SVIL: variants seen among roughly 807,000 people sequenced by gnomAD.
The protein encoded by SVIL is supervillin.
Under a neutral mutation model 240.4 loss-of-function variants are expected in SVIL, and 101 were observed. The observed-to-expected ratio is 0.42, with a 90% CI of 0.36 to 0.50. SVIL has a LOEUF of 0.50. SVIL is among the 20% of genes least tolerant of loss of function. SVIL has a pLI of 0.01. For synonymous variants in SVIL, 999 were observed against 1,100.0 expected, an observed-to-expected ratio of 0.91 and a Z score of 1.82; for missense variants, 2,512 against 2,818.7, an observed-to-expected ratio of 0.89 and a Z score of 2.46.
chr10:29,559,130 T>A (rs1376900090), intron 3 of SVIL, among the ~76,000 whole-genome samples: 1 of 152,024 alleles, frequency 6.6e-6, no homozygotes, highest in Non-Finnish European at 1.5e-5. Flanking sequence ...GTTGTTTTAT[T>A]TATAAAGCCT....
chr10:29,692,945 A>G (rs1389918482), intron 1 of SVIL, among the ~76,000 whole-genome samples: 1 of 152,190 alleles, frequency 6.6e-6, no homozygotes, highest in African/African-American at 2.4e-5. Context: ...GTCCTTAACC[A>G]TATATGCCTA....
At chr10:29,612,428 A>G (rs1423734469) in intron 1 of SVIL, among the ~76,000 whole-genome samples, 1 of 152,126 alleles carries the variant, frequency 6.6e-6, no homozygotes, top group East Asian at 1.9e-4. Flanking sequence ...ATGGAGTTGG[A>G]AGTGAGGCTT....
rs1045829510 is a variant in SVIL at position 29,509,376 on chromosome 10, A to G, written c.3516+3359T>C. 1.4e-4 allele frequency among the ~76,000 whole-genome samples: 19 copies of G among 139,290 alleles called. No homozygotes were observed. In the East Asian group the frequency reaches 4.1e-3, roughly 30 times the overall value. 91.4% of individuals were successfully genotyped at this position (139,290 alleles called of 152,430 possible). A position where few individuals can be genotyped will look rare whatever the true frequency, so the allele number is the denominator to read the frequency against. On this transcript the variant is annotated intron_variant, in intron 17 of 37. Transcript: ENST00000355867. The stretch of plus-strand genomic sequence containing the variant: ...GAGAGAGAGAGAGAGAGAGAGAGAG[A>G]GAGAATACCCAAACAGTTTTTCACA...
rs144560080 is a variant in SVIL, at chr10:29,547,646, C to T, written c.827+2951G>A. Among the ~76,000 whole-genome samples the T allele has an allele frequency of 8.7e-3, 1,331 of 152,124 alleles. 22 individuals carry two copies. Among genetic ancestry groups the T allele is most frequent in the African/African-American group, 0.03 (1,248 of 41,504 alleles). ...TTTAATATTAAGATTTTAACTCATACGAAATATGAAGTATCCTGTCTTTAC... is the reference window on the plus strand; with the variant it reads ...TTTAATATTAAGATTTTAACTCATATGAAATATGAAGTATCCTGTCTTTAC... On this transcript the variant is annotated intron_variant, in intron 6 of 37. Transcript: ENST00000355867.
At chr10:29,669,731 G>T (rs1959616681) in intron 2 of SVIL, among the ~76,000 whole-genome samples, 2 of 152,290 alleles carry the variant, frequency 1.3e-5, no homozygotes, top group South Asian at 2.1e-4. Context: ...GATGGAGATC[G>T]AGATGTTGGG....
At chr10:29,722,255 AAG>A (rs1964035459) in intron 1 of SVIL, among the ~76,000 whole-genome samples, 1 of 151,620 alleles carries the variant, frequency 6.6e-6, no homozygotes, top group African/African-American at 2.4e-5. Flanking sequence ...AAAGAAAAGA[AAG>A]AAAAAAAACT....
At chr10:29,622,868 G>C (rs1957717019) in intron 1 of SVIL, among the ~76,000 whole-genome samples, 1 of 152,218 alleles carries the variant, frequency 6.6e-6, no homozygotes, top group Admixed American at 6.5e-5. Context: ...GCCTTGTGAA[G>C]TGAGCTTGGA....
intron 1 of SVIL, among the ~76,000 whole-genome samples, chr10:29,696,100 C>T (rs1202053336): frequency 1.4e-4 from 22 of 151,864 alleles, no homozygotes; most frequent in African/African-American, 4.8e-4. Flanking sequence ...TGCAGGCGCG[C>T]GCCGCCACGC....
In SVIL at chr10:29,499,068, G is replaced by A. The variant is rs114540768; in HGVS notation, c.3664+48C>T. 245 of 1,598,844 alleles carry A rather than the reference G, an allele frequency of 1.5e-4. No homozygotes were observed. The African/African-American group carries it at 2.5e-3, about 16-fold the overall frequency. On this transcript the variant is annotated intron_variant, in intron 18 of 37. Transcript: ENST00000355867. ...GCCCTCCATGGGTAAGTGTGCTCAC[G>A]TGTGTGCATTGTGCACACACCACAC... is the stretch of plus-strand genomic sequence containing the variant.
At chr10:29,591,890 C>G (rs753025023) in intron 1 of SVIL, among the ~76,000 whole-genome samples, 18 of 152,342 alleles carry the variant, frequency 1.2e-4, no homozygotes, top group Non-Finnish European at 2.2e-4. Context: ...AAGAGCCTGC[C>G]AGGCATTTAC....
At chr10:29,511,336 T>C (rs1462969280) in intron 17 of SVIL, among the ~76,000 whole-genome samples, 2 of 138,576 alleles carry the variant, frequency 1.4e-5, no homozygotes, top group Non-Finnish European at 3.2e-5. Context: ...TCGTGCTTTT[T>C]GGCTTCATTT....
intron 5 of SVIL, 85 bp from the exon 6 acceptor site, chr10:29,551,348 G>A: frequency 2.3e-6 from 3 of 1,326,770 alleles, no homozygotes; most frequent in Non-Finnish European, 3.0e-6. Context: ...ACTGCACACA[G>A]CACACACCTG....
intron 2 of SVIL, among the ~76,000 whole-genome samples, chr10:29,667,892 G>A (rs1959451543): frequency 6.6e-6 from 1 of 151,710 alleles, no homozygotes; most frequent in Non-Finnish European, 1.5e-5. Flanking sequence ...CTAAAAAGAG[G>A]CAACGTTATT....
intron 1 of SVIL, among the ~76,000 whole-genome samples, chr10:29,610,240 G>A (rs538950882): frequency 4.6e-5 from 7 of 151,876 alleles, no homozygotes; most frequent in East Asian, 1.9e-4. Flanking sequence ...TTCCCTCCTC[G>A]CTGCCATCAT....
intron 1 of SVIL, among the ~76,000 whole-genome samples, chr10:29,587,982 C>A (rs1470391552): frequency 1.9e-4 from 29 of 152,196 alleles, no homozygotes; most frequent in Non-Finnish European, 3.7e-4. Flanking sequence ...CCCACCCTGG[C>A]CCCTGCACTG....
At chr10:29,535,964 C>T in intron 7 of SVIL, 25 bp downstream of exon 7, 2 of 1,613,444 alleles carry the variant, frequency 1.2e-6, no homozygotes, top group Non-Finnish European at 1.7e-6. Flanking sequence ...TGCACACAAG[C>T]CCCAGAGGGC....
Position 29,554,954 on chromosome 10 carries a change from A to G in SVIL, c.9-20T>C. 6.2e-7 allele frequency: 1 copy of G among 1,610,360 alleles called. No homozygotes were observed. Among genetic ancestry groups the G allele is most frequent in the Non-Finnish European group, 8.5e-7 (1 of 1,178,052 alleles). ...TCTTTTCTGTGAAATACACCACAAG[A>G]GGCAGAGTGAGCAACAGCGATCGAA... On this transcript the variant is annotated intron_variant, in intron 4 of 37. Transcript: ENST00000355867.
At chr10:29,609,377 G>A (rs781321913) in intron 1 of SVIL, among the ~76,000 whole-genome samples, 9 of 152,160 alleles carry the variant, frequency 5.9e-5, no homozygotes, top group Non-Finnish European at 1.2e-4. Context: ...GTGCTGAGTG[G>A]CCACCCCACA....
chr10:29,664,713 C>T (rs1959198538), intron 2 of SVIL, among the ~76,000 whole-genome samples: 1 of 151,898 alleles, frequency 6.6e-6, no homozygotes. Context: ...CACACATGCA[C>T]ACATACATAT....
Sources: gnomAD v4.1 joint callset for allele counts (sites outside exome capture counted in the v4.1 genomes callset) on GRCh38, gnomAD v4.1.1 for gene constraint, MANE v1.5 for transcripts, NCBI Gene and HGNC (gene_info 2026-07-23, HGNC 2026-07-21) for gene names.